Variants in LAMA3 observed in about 807,000 individuals in gnomAD.
LAMA3 encodes laminin subunit alpha-3.
A neutral mutation model predicts 402.0 loss-of-function variants in LAMA3; 281 were observed. That is an observed-to-expected ratio of 0.70 (90% CI 0.63 to 0.77). The LOEUF (loss-of-function observed/expected upper bound fraction) is 0.77. Among genes scored for constraint, LAMA3 ranks in the 30% least tolerant of loss-of-function variants. The pLI is 0.00. For missense variants in LAMA3, 3,840 were observed against 4,215.5 expected (o/e 0.91, Z 2.47); for synonymous variants, 1,431 against 1,558.4 (o/e 0.92, Z 1.93).
chr18:23,782,361 G>A (rs1290325463), intron 11 of LAMA3, among the ~76,000 whole-genome samples: 1 of 152,044 alleles, frequency 6.6e-6, no homozygotes, highest in African/African-American at 2.4e-5. Flanking sequence ...TTTGAGACCA[G>A]CCTGGCCAAC....
At chr18:23,872,318 G>A (rs1337180802) in intron 38 of LAMA3, among the ~76,000 whole-genome samples, 30 of 152,142 alleles carry the variant, frequency 2.0e-4, no homozygotes, top group Admixed American at 2.0e-3. Context: ...TTGAGGTCCA[G>A]TCAACCAGAG....
chr18:23,947,640 A>G (rs1052794231), intron 70 of LAMA3, among the ~76,000 whole-genome samples: 3 of 152,126 alleles, frequency 2.0e-5, no homozygotes, highest in African/African-American at 7.2e-5. Flanking sequence ...CAGGCAACAG[A>G]GTATTACTTT....
At chr18:23,821,795 T>G (rs1174884307) in intron 19 of LAMA3, among the ~76,000 whole-genome samples, 1 of 152,268 alleles carries the variant, frequency 6.6e-6, no homozygotes, top group African/African-American at 2.4e-5. Context: ...CGTTGGTTTC[T>G]GTGACCATTT....
Position 23,864,896 on chromosome 18 carries a change from G to A in LAMA3, c.4683+13G>A, listed in dbSNP as rs1305781609. On this transcript the variant is annotated intron_variant, in intron 36 of 74. Transcript: ENST00000313654. ...TGTACAGCTCACTGTAGGTATCAGA[G>A]CATGACCTAAGTGGCAGGAAGTGGC... The A allele has an allele frequency of 1.3e-6, 2 of 1,573,854 alleles. No homozygotes were observed. The highest frequency in any genetic ancestry group is 1.7e-6 in the Non-Finnish European group (2 of 1,144,020).
intron 1 of LAMA3, among the ~76,000 whole-genome samples, chr18:23,691,332 A>G (rs1040491290): frequency 1.3e-5 from 2 of 152,216 alleles, no homozygotes; most frequent in Non-Finnish European, 2.9e-5. Context: ...TCTAAAAGAC[A>G]AAATAACAAT....
chr18:23,933,871 C>A lies in LAMA3; in HGVS notation c.8798C>A (p.Pro2933His), dbSNP rs1349069814. The change falls in exon 67 of 75, where the codon CCT (proline) becomes CAT (histidine). Residue 2933 changes from proline (P) to histidine (H), a missense_variant. This residue lies in a region of LAMA3 where 840 missense variants were observed against 981.9 expected (regional missense o/e 0.86). Coordinates refer to ENST00000313654, the MANE Select transcript of LAMA3 (RefSeq NM_198129.4). ...SLGGCSLNKP[P>H]FLMLLKGSTR... ...GGAGGCTGCAGTTTAAACAAACCACCTTTTCTAATGTTGCTTAAAGGTTCT... is the reference window on the plus strand; with the variant it reads ...GGAGGCTGCAGTTTAAACAAACCACATTTTCTAATGTTGCTTAAAGGTTCT... 6.2e-7 allele frequency: 1 copy of A among 1,614,058 alleles called. No homozygotes were observed. Among genetic ancestry groups the A allele is most frequent in the Non-Finnish European group, 8.5e-7 (1 of 1,179,968 alleles).
At chr18:23,919,791 G>A (rs1184260367) in intron 60 of LAMA3, among the ~76,000 whole-genome samples, 1 of 151,898 alleles carries the variant, frequency 6.6e-6, no homozygotes, top group Non-Finnish European at 1.5e-5. Context: ...TAGGGGTCAG[G>A]GCTTCATCCT....
At chr18:23,708,728 T>A (rs994973768) in intron 1 of LAMA3, among the ~76,000 whole-genome samples, 12 of 152,132 alleles carry the variant, frequency 7.9e-5, no homozygotes, top group Admixed American at 2.6e-4. Flanking sequence ...AGCAGATACA[T>A]TTGGGTCTTT....
chr18:23,884,084 G>C (rs1202177528), intron 40 of LAMA3, among the ~76,000 whole-genome samples: 3 of 117,750 alleles, frequency 2.5e-5, no homozygotes, highest in Admixed American at 9.3e-5. Context: ...GTGTGTGTGT[G>C]TGTGTGTGTG....
chr18:23,886,902 A>G (rs2065090606), intron 41 of LAMA3, among the ~76,000 whole-genome samples: 1 of 152,190 alleles, frequency 6.6e-6, no homozygotes, highest in Non-Finnish European at 1.5e-5. Context: ...GAAAAGCCCA[A>G]GGGGCTGGAA....
At chr18:23,786,511 C>T (rs534690449) in intron 12 of LAMA3, among the ~76,000 whole-genome samples, 1 of 152,194 alleles carries the variant, frequency 6.6e-6, no homozygotes, top group Non-Finnish European at 1.5e-5. Flanking sequence ...CAAGCTGGCT[C>T]ATAGAGTAGG....
At chr18:23,887,509 T>C (rs1466566887) in intron 41 of LAMA3, among the ~76,000 whole-genome samples, 3 of 152,360 alleles carry the variant, frequency 2.0e-5, no homozygotes, top group South Asian at 2.1e-4. Flanking sequence ...TTGTTATATC[T>C]GATGTCTCAA....
intron 1 of LAMA3, among the ~76,000 whole-genome samples, chr18:23,703,464 G>A (rs2060827425): frequency 1.3e-5 from 2 of 152,142 alleles, no homozygotes; most frequent in Admixed American, 6.6e-5. Flanking sequence ...GTAGTTAAAT[G>A]AGTTAAATGG....
At chr18:23,950,417 A>T (rs756648648) in intron 72 of LAMA3, among the ~76,000 whole-genome samples, 5 of 152,258 alleles carry the variant, frequency 3.3e-5, no homozygotes, top group Non-Finnish European at 7.3e-5. Flanking sequence ...GGTCCTAAGG[A>T]TGTTACTCAA....
chr18:23,902,988 A>T, intron 48 of LAMA3, 21 bp from the exon 49 acceptor site: 1 of 1,422,450 alleles, frequency 7.0e-7, no homozygotes, highest in Non-Finnish European at 9.9e-7. Flanking sequence ...AGCTCAAGCA[A>T]TTTTTTTTTA....
chr18:23,842,473 C>G lies in LAMA3; in HGVS notation c.3415C>G (p.Pro1139Ala), dbSNP rs2063723067. 1.2e-6 allele frequency: 2 copies of G among 1,614,086 alleles called. No homozygotes were observed. Among genetic ancestry groups the G allele is most frequent in the Admixed American group, 1.7e-5 (1 of 60,012 alleles). Reference sequence around the variant, plus strand: ...CATCCATTTTTACCAAGCAGCGCACCCGACGTTTCCCGCGCAGGTGTCGGT... The same window carrying G: ...CATCCATTTTTACCAAGCAGCGCACGCGACGTTTCCCGCGCAGGTGTCGGT... Reference protein sequence around the residue: ...FVIHFYQAAHPTFPAQVSVDG... With the variant: ...FVIHFYQAAHATFPAQVSVDG... Residue 1139 changes from proline (P) to alanine (A), a missense_variant, in exon 28 of 75, where the codon CCG becomes GCG. Pro to Ala is a conservative substitution (Grantham distance 27, BLOSUM62 -1). Around this residue, in one of 3 missense-constraint regions of LAMA3, gnomAD observed 2,109 missense variants for 2,376.0 expected, o/e 0.89. Transcript: ENST00000313654.
intron 7 of LAMA3, among the ~76,000 whole-genome samples, chr18:23,758,963 G>A (rs2061911718): frequency 6.6e-6 from 1 of 152,138 alleles, no homozygotes; most frequent in South Asian, 2.1e-4. Context: ...TGGTAGGATT[G>A]AGGAGGATGG....
At position 23,749,448 on chromosome 18, in the gene LAMA3, A is replaced by C. The variant is rs768516503; in HGVS notation, c.586A>C (p.Lys196Gln). ...YFAHSKVDCL[K>Q]EFGREANMAV... The stretch of plus-strand genomic sequence containing the variant: ...TCTAGATTCTAAAGTAGACTGTTTA[A>C]AAGAATTTGGGCGGGAGGCAAATAT... The change falls in exon 4 of 75, where the codon AAA becomes CAA. Residue 196 changes from lysine to glutamine, a missense_variant. Physicochemically the swap from Lys to Gln is moderately conservative, Grantham distance 53. Around this residue, in one of 3 missense-constraint regions of LAMA3, gnomAD observed 2,109 missense variants for 2,376.0 expected, o/e 0.89. Transcript: ENST00000313654. 3.1e-6 allele frequency: 5 copies of C among 1,602,404 alleles called. No individual in the cohort carries two copies. The Middle Eastern group carries it at 5.0e-4, about 159-fold the overall frequency.
At chr18:23,942,823 C>G (rs1258823985) in intron 68 of LAMA3, among the ~76,000 whole-genome samples, 1 of 152,140 alleles carries the variant, frequency 6.6e-6, no homozygotes, top group Non-Finnish European at 1.5e-5. Context: ...GGTGATCCAC[C>G]CACCTCGGCC....
Sources: gnomAD v4.1 joint callset for allele counts (sites outside exome capture counted in the v4.1 genomes callset) on GRCh38, gnomAD v4.1.1 for gene constraint, gnomAD v4.1.1 regional missense constraint, MANE v1.5 for transcripts, NCBI Gene and HGNC (gene_info 2026-07-23, HGNC 2026-07-21) for gene names.